MDGA2: variants seen among roughly 807,000 people sequenced by gnomAD.
MDGA2 encodes the protein MAM domain containing glycosylphosphatidylinositol anchor 2.
MDGA2 carries 40 observed loss-of-function variants against 117.8 expected under a neutral mutation model. The observed-to-expected ratio is 0.34, with a 90% confidence interval of 0.26 to 0.44. MDGA2 has a LOEUF of 0.44. MDGA2 is among the 20% of genes least tolerant of loss of function. The pLI, the probability that MDGA2 is intolerant of heterozygous loss-of-function variation, is 1.00. For missense variants in MDGA2, 1,123 were observed against 1,250.6 expected (o/e 0.90, Z 1.54); for synonymous variants, 452 against 439.0 (o/e 1.03, Z -0.37).
intron 2 of MDGA2, among the ~76,000 whole-genome samples, chr14:47,244,466 A>AT (rs952957048): frequency 2.0e-5 from 3 of 151,638 alleles, no homozygotes; most frequent in African/African-American, 7.3e-5. Flanking sequence ...TATCTAACAT[A>AT]TTTTTTTGGC....
At chr14:47,528,121 A>G (rs750858649) in intron 1 of MDGA2, among the ~76,000 whole-genome samples, 21 of 152,170 alleles carry the variant, frequency 1.4e-4, no homozygotes, top group Non-Finnish European at 2.8e-4. Flanking sequence ...CTTAAGGCCA[A>G]ATAAAACCAC....
chr14:47,006,912 T>A (rs902705966), intron 8 of MDGA2, among the ~76,000 whole-genome samples: 6 of 151,760 alleles, frequency 4.0e-5, no homozygotes, highest in Non-Finnish European at 5.9e-5. Context: ...CAGACTATTA[T>A]TGTCCTGGAG....
chr14:47,321,006 C>T (rs61993088), intron 1 of MDGA2, among the ~76,000 whole-genome samples: 33,983 of 152,054 alleles, frequency 0.22, 4,810 homozygotes, highest in Admixed American at 0.41. Flanking sequence ...GTTTCAAGGA[C>T]ATCCTATCGT....
At chr14:47,430,578 G>C (rs1892779265) in intron 1 of MDGA2, among the ~76,000 whole-genome samples, 1 of 151,786 alleles carries the variant, frequency 6.6e-6, no homozygotes, top group Non-Finnish European at 1.5e-5. Flanking sequence ...CAAAAAAAGG[G>C]GTACCATTAT....
chr14:47,583,119 T>A lies in MDGA2; in HGVS notation c.280+91398A>T, dbSNP rs1026751223. ...TATGGTTTTTGACACTGGAGAGAGA[T>A]AAGTAAGCCAGACAGAAAAGGTCTC... On this transcript the variant is annotated intron_variant, in intron 1 of 16. Coordinates refer to ENST00000399232, the MANE Select transcript of MDGA2 (RefSeq NM_001113498.3). Among the ~76,000 whole-genome samples, 3 of 152,008 alleles carry A rather than the reference T, an allele frequency of 2.0e-5. No individual in the cohort carries two copies. The South Asian group carries it at 6.2e-4, about 32-fold the overall frequency.
At chr14:47,035,326 T>A (rs1168886513) in intron 7 of MDGA2, 22 bp from the exon 8 acceptor site, 9 of 1,588,240 alleles carry the variant, frequency 5.7e-6, no homozygotes, top group South Asian at 1.2e-5. Context: ...AAAAAGAAAA[T>A]TTTTCAAGGT....
intron 7 of MDGA2, among the ~76,000 whole-genome samples, chr14:47,060,682 C>T (rs571062744): frequency 8.5e-5 from 13 of 152,114 alleles, no homozygotes; most frequent in African/African-American, 3.1e-4. Context: ...GAAAGAATTT[C>T]ACTCCAATAT....
chr14:47,450,064 T>C (rs1955790), intron 1 of MDGA2, among the ~76,000 whole-genome samples: 46,986 of 151,906 alleles, frequency 0.31, 7,588 homozygotes, highest in South Asian at 0.53. Flanking sequence ...TATAGTGCAA[T>C]GTTTCATTAT....
chr14:47,411,450 G>C (rs999955231), intron 1 of MDGA2, among the ~76,000 whole-genome samples: 3 of 152,152 alleles, frequency 2.0e-5, no homozygotes, highest in Admixed American at 1.3e-4. Flanking sequence ...TGTCCAGATA[G>C]GGAGACTGTA....
chr14:47,444,548 G>A lies in MDGA2; in HGVS notation c.281-142998C>T, dbSNP rs1019062099. 1.9e-5 allele frequency: 3 copies of A among 157,684 alleles called. No homozygotes were observed. The East Asian group carries it at 5.0e-4, about 26-fold the overall frequency. 9.8% of individuals were successfully genotyped at this position (157,684 alleles called of 1,614,324 possible). On this transcript the variant is annotated intron_variant, in intron 1 of 16. Transcript: ENST00000399232. ...AGGACAGAAGTACATGTTTAAATGAGAGATCATCTTGCTTCTAAATGAACG... is the reference window on the plus strand; with the variant it reads ...AGGACAGAAGTACATGTTTAAATGAAAGATCATCTTGCTTCTAAATGAACG...
chr14:47,051,258 C>G (rs898531308), intron 7 of MDGA2, among the ~76,000 whole-genome samples: 1 of 151,738 alleles, frequency 6.6e-6, no homozygotes, highest in Non-Finnish European at 1.5e-5. Flanking sequence ...TCAATAAGCC[C>G]TCAGTATTTT....
At chr14:47,399,414 G>A (rs891847643) in intron 1 of MDGA2, among the ~76,000 whole-genome samples, 1 of 152,166 alleles carries the variant, frequency 6.6e-6, no homozygotes, top group South Asian at 2.1e-4. Flanking sequence ...AGTTGGAAGA[G>A]AGAATGAGGA....
chr14:47,286,209 A>G (rs997506540), intron 2 of MDGA2, among the ~76,000 whole-genome samples: 1 of 152,128 alleles, frequency 6.6e-6, no homozygotes, highest in African/African-American at 2.4e-5. Context: ...CACCTCATTT[A>G]TCATTTATTT....
chr14:46,968,827 ACT>A (rs1412821051), intron 8 of MDGA2, among the ~76,000 whole-genome samples: 2 of 149,510 alleles, frequency 1.3e-5, no homozygotes, highest in African/African-American at 2.5e-5. Context: ...ACAGAGCAAG[ACT>A]CTGTCTAAAA....
chr14:47,121,216 T>A (rs560155761), intron 5 of MDGA2, among the ~76,000 whole-genome samples: 1 of 152,234 alleles, frequency 6.6e-6, no homozygotes, highest in South Asian at 2.1e-4. Context: ...AAAATATTTT[T>A]AAAAATTGTA....
At chr14:47,536,667 A>C (rs75608107) in intron 1 of MDGA2, among the ~76,000 whole-genome samples, 4 of 152,206 alleles carry the variant, frequency 2.6e-5, no homozygotes, top group Non-Finnish European at 4.4e-5. Flanking sequence ...ACAATCCAGA[A>C]CTACTACTAA....
chr14:47,221,188 A>T (rs1466529328), intron 2 of MDGA2, among the ~76,000 whole-genome samples: 1 of 152,158 alleles, frequency 6.6e-6, no homozygotes, highest in Non-Finnish European at 1.5e-5. Context: ...TTTGGGTGGG[A>T]ATGTAATGCA....
intron 1 of MDGA2, among the ~76,000 whole-genome samples, chr14:47,515,146 A>AAT (rs1467067127): frequency 1.3e-5 from 2 of 152,150 alleles, no homozygotes; most frequent in African/African-American, 4.8e-5. Context: ...GCAGAAAAGG[A>AAT]ATTTATTTCA....
intron 3 of MDGA2, among the ~76,000 whole-genome samples, chr14:47,196,783 C>A (rs557462798): frequency 1.6e-4 from 24 of 152,206 alleles, no homozygotes; most frequent in African/African-American, 5.8e-4. Flanking sequence ...GAGCATAATA[C>A]CTAATAGGTA....
Sources: gnomAD v4.1 joint callset for allele counts (sites outside exome capture counted in the v4.1 genomes callset) on GRCh38, gnomAD v4.1.1 for gene constraint, MANE v1.5 for transcripts, NCBI Gene and HGNC (gene_info 2026-07-23, HGNC 2026-07-21) for gene names.